PCDHA1: variants seen among roughly 807,000 people sequenced by gnomAD.
The protein encoded by PCDHA1 is protocadherin alpha 1.
PCDHA1 carries 42 observed loss-of-function variants against 61.3 expected under a neutral mutation model. That is an observed-to-expected ratio of 0.69 (90% CI 0.54 to 0.89). The LOEUF (loss-of-function observed/expected upper bound fraction) is 0.89, where lower values mean the gene tolerates loss of function less well. Among genes scored for constraint, PCDHA1 ranks in the 40% least tolerant of loss-of-function variants. The pLI is 0.00. For synonymous variants in PCDHA1, 610 were observed against 553.8 expected, an observed-to-expected ratio of 1.10 and a Z score of -1.43; for missense variants, 1,256 against 1,235.3, an observed-to-expected ratio of 1.02 and a Z score of -0.25.
chr5:140,808,288 A>G, intron 1 of PCDHA1: 7 of 1,614,274 alleles, frequency 4.3e-6, no homozygotes, highest in Non-Finnish European at 5.9e-6. Context: ...CACTGGGTAC[A>G]GTCATCGCCC....
Position 140,855,115 on chromosome 5 carries a change from T to G in PCDHA1, c.2394+66431T>G, listed in dbSNP as rs1220920177. On this transcript the variant is annotated intron_variant, in intron 1 of 3. Coordinates refer to ENST00000504120, the MANE Select transcript of PCDHA1 (RefSeq NM_018900.4). ...TGTGCAGTAGCAATAATTAAGGCAT[T>G]CTATAGGTAATAATTTTGCCTGATG... 1.3e-5 allele frequency among the ~76,000 whole-genome samples: 2 copies of G among 149,816 alleles called. 1 individual carries two copies. The highest frequency in any genetic ancestry group is 3.0e-5 in the Non-Finnish European group (2 of 67,072).
At chr5:140,809,012 T>A (rs1225926404) in intron 1 of PCDHA1, 1 of 1,613,674 alleles carries the variant, frequency 6.2e-7, no homozygotes, top group Non-Finnish European at 8.5e-7. Context: ...GTGGCTTTCG[T>A]ACGAGCTGCA....
At chr5:140,843,690 A>G (rs2150365181) in intron 1 of PCDHA1, 2 of 1,587,072 alleles carry the variant, frequency 1.3e-6, no homozygotes, top group Admixed American at 3.4e-5. Context: ...GAAGAGCAAG[A>G]TTTAAATGTT....
intron 1 of PCDHA1, among the ~76,000 whole-genome samples, chr5:140,924,252 G>C (rs1306870811): frequency 1.3e-5 from 2 of 152,214 alleles, no homozygotes; most frequent in African/African-American, 4.8e-5. Flanking sequence ...ATCCTGGTGA[G>C]ATCTAATGAG....
intron 1 of PCDHA1, among the ~76,000 whole-genome samples, chr5:140,887,536 C>G (rs2153420652): frequency 6.6e-6 from 1 of 152,238 alleles, no homozygotes; most frequent in African/African-American, 2.4e-5. Context: ...CTTCCTCTCC[C>G]CACCCCTCAT....
At chr5:140,821,267 A>G (rs1472795848) in intron 1 of PCDHA1, among the ~76,000 whole-genome samples, 1 of 152,200 alleles carries the variant, frequency 6.6e-6, no homozygotes, top group Non-Finnish European at 1.5e-5. Context: ...AGTTATTTTT[A>G]TCAGTTTGGA....
chr5:140,803,615 T>C (rs1763249108), intron 1 of PCDHA1: 1 of 1,613,992 alleles, frequency 6.2e-7, no homozygotes, highest in Non-Finnish European at 8.5e-7. Context: ...ATTTATTCTT[T>C]CCAAAATGTC....
At position 140,836,167 on chromosome 5, in the gene PCDHA1, G is replaced by T. The variant is rs2150254555; in HGVS notation, c.2394+47483G>T. 3.1e-6 allele frequency: 5 copies of T among 1,613,848 alleles called. No homozygotes were observed. Among genetic ancestry groups the T allele is most frequent in the Non-Finnish European group, 4.2e-6 (5 of 1,179,798 alleles). ...GCGGGCCATGTGGTGGCGAAGGTAC[G>T]TGCAGTTGACGCTGACTCAGGCTAC... On this transcript the variant is annotated intron_variant, in intron 1 of 3. Coordinates refer to ENST00000504120, the MANE Select transcript of PCDHA1 (RefSeq NM_018900.4).
At chr5:140,999,138 C>T (rs530740266) in intron 3 of PCDHA1, among the ~76,000 whole-genome samples, 1 of 152,140 alleles carries the variant, frequency 6.6e-6, no homozygotes, top group Non-Finnish European at 1.5e-5. Flanking sequence ...AATGTCACAG[C>T]CGGAAGTCTT....
At chr5:140,836,003 G>T (rs1456412206) in intron 1 of PCDHA1, 5 of 1,613,328 alleles carry the variant, frequency 3.1e-6, no homozygotes, top group African/African-American at 2.7e-5. Flanking sequence ...CGCGCGATGC[G>T]GGCGTGCCGC....
Position 140,883,404 on chromosome 5 carries a change from C to G in PCDHA1, c.2394+94720C>G, listed in dbSNP as rs199942713. On this transcript the variant is annotated intron_variant, in intron 1 of 3. Transcript: ENST00000504120. ...CTAATCAGTGTGTCCGATCGTGACT[C>G]TGGCTCAAATGGACAGGTCACCTGC... 3 of 1,614,104 alleles carry G rather than the reference C, an allele frequency of 1.9e-6. No homozygotes were observed. The African/African-American group carries it at 4.0e-5, about 22-fold the overall frequency.
At chr5:140,969,485 T>C (rs1485555970) in intron 1 of PCDHA1, 4 of 1,461,452 alleles carry the variant, frequency 2.7e-6, no homozygotes, top group African/African-American at 2.9e-5. Flanking sequence ...CATAATCTGC[T>C]ATTTCCTCTC....
intron 1 of PCDHA1, among the ~76,000 whole-genome samples, chr5:140,931,749 G>A (rs368438680): frequency 2.0e-5 from 3 of 151,878 alleles, no homozygotes; most frequent in East Asian, 3.9e-4. Context: ...ATTCACAAAG[G>A]CATTTGTTAT....
At chr5:140,814,542 C>T (rs1765537891) in intron 1 of PCDHA1, 1 of 151,272 alleles carries the variant, frequency 6.6e-6, no homozygotes, top group Non-Finnish European at 1.5e-5. Flanking sequence ...AAAGCAGTAA[C>T]ATTTACTATC....
chr5:140,939,090 A>C (rs1563171940), intron 1 of PCDHA1, among the ~76,000 whole-genome samples: 1 of 152,192 alleles, frequency 6.6e-6, no homozygotes, highest in Non-Finnish European at 1.5e-5. Flanking sequence ...GGGTGGCTTA[A>C]AAACAATAGA....
intron 1 of PCDHA1, among the ~76,000 whole-genome samples, chr5:140,944,182 G>T (rs542395513): frequency 1.3e-5 from 2 of 152,052 alleles, no homozygotes; most frequent in South Asian, 2.1e-4. Flanking sequence ...TTTTTTGTTG[G>T]TTTGTTTTGT....
intron 1 of PCDHA1, among the ~76,000 whole-genome samples, chr5:140,833,768 C>CT (rs1772646157): frequency 7.0e-6 from 1 of 142,080 alleles, no homozygotes; most frequent in Non-Finnish European, 1.6e-5. Flanking sequence ...ACACACACAC[C>CT]GCTTTCTAAG....
chr5:140,826,446 T>G (rs1768942723), intron 1 of PCDHA1, among the ~76,000 whole-genome samples: 1 of 152,178 alleles, frequency 6.6e-6, no homozygotes, highest in South Asian at 2.1e-4. Context: ...AGAAAAGGCT[T>G]TGTGTCACAA....
rs1408028670 is a variant in PCDHA1 at position 140,806,966 on chromosome 5, G to A, written c.2394+18282G>A. 5.0e-6 allele frequency: 3 copies of A among 604,170 alleles called. No homozygotes were observed. The African/African-American group carries it at 5.6e-5, about 11-fold the overall frequency. The allele number at this position is 604,170 out of a possible 1,614,324, so 37.4% of individuals were successfully genotyped here. Reference sequence around the variant, plus strand: ...AGAGTGTGTGGGGGTTTCCACAATTGCTACTTACGGTTTGGAGCCACATGA... The same window carrying A: ...AGAGTGTGTGGGGGTTTCCACAATTACTACTTACGGTTTGGAGCCACATGA... On this transcript the variant is annotated intron_variant, in intron 1 of 3. Coordinates refer to ENST00000504120, the MANE Select transcript of PCDHA1 (RefSeq NM_018900.4).
Sources: gnomAD v4.1 joint callset for allele counts (sites outside exome capture counted in the v4.1 genomes callset) on GRCh38, gnomAD v4.1.1 for gene constraint, MANE v1.5 for transcripts, NCBI Gene and HGNC (gene_info 2026-07-23, HGNC 2026-07-21) for gene names.